Variants in APELA observed in about 807,000 individuals in gnomAD.
APELA encodes apelin receptor early endogenous ligand.
chr4:164,890,264 G>C (rs995901155), intron 2 of APELA, among the ~76,000 whole-genome samples: 3 of 151,964 alleles, frequency 2.0e-5, no homozygotes, highest in Non-Finnish European at 4.4e-5. Context: ...TTATACACCC[G>C]ACAATTCACC....
intron 2 of APELA, among the ~76,000 whole-genome samples, chr4:164,884,055 AAC>A (rs1235111756): frequency 6.6e-6 from 1 of 151,226 alleles, no homozygotes; most frequent in African/African-American, 2.4e-5. Flanking sequence ...GAAAGAAAGA[AAC>A]AGGGAAAGAA....
At chr4:164,889,752 A>G (rs1426593946) in intron 2 of APELA, among the ~76,000 whole-genome samples, 1 of 152,178 alleles carries the variant, frequency 6.6e-6, no homozygotes, top group Non-Finnish European at 1.5e-5. Context: ...AGCCAATGGC[A>G]GATTGAAAAT....
chr4:164,882,367 G>C (rs777614101), intron 2 of APELA, among the ~76,000 whole-genome samples: 2 of 152,034 alleles, frequency 1.3e-5, no homozygotes, highest in Non-Finnish European at 2.9e-5. Flanking sequence ...GACTCCCAAA[G>C]TGCTGGGATT....
chr4:164,886,713 CATAA>C (rs370520025), intron 2 of APELA, among the ~76,000 whole-genome samples: 73 of 152,170 alleles, frequency 4.8e-4, no homozygotes, highest in African/African-American at 1.6e-3. Context: ...TATATCAATG[CATAA>C]ATATAGTGAT....
At chr4:164,898,746 T>C (rs1731022927), downstream of APELA, 1 of 152,008 alleles carries the variant, frequency 6.6e-6, no homozygotes, top group Non-Finnish European at 1.5e-5. Context: ...GGAATGAAAA[T>C]CATTGTTTGC....
chr4:164,893,073 G>A (rs1730911673), intron 2 of APELA, among the ~76,000 whole-genome samples: 1 of 151,946 alleles, frequency 6.6e-6, no homozygotes, highest in Admixed American at 6.6e-5. Flanking sequence ...GTTGATTTTT[G>A]CTATGGTTTT....
chr4:164,888,576 T>C (rs919540832), intron 2 of APELA, among the ~76,000 whole-genome samples: 7 of 152,136 alleles, frequency 4.6e-5, no homozygotes, highest in African/African-American at 1.4e-4. Context: ...AGTTTGTGGG[T>C]CAAAGCATTA....
At chr4:164,883,313 A>G (rs934418742) in intron 2 of APELA, among the ~76,000 whole-genome samples, 33 of 152,146 alleles carry the variant, frequency 2.2e-4, no homozygotes, top group African/African-American at 8.0e-4. Context: ...TCAAACTAAT[A>G]ACCTCTAGTT....
rs1257916001 is a variant in APELA at position 164,896,692 on chromosome 4, C to T, written c.*1278C>T. 6.6e-6 allele frequency: 1 copy of T among 151,894 alleles called. No homozygotes were observed. Among genetic ancestry groups the T allele is most frequent in the East Asian group, 1.9e-4 (1 of 5,174 alleles). 9.4% of individuals were successfully genotyped at this position (151,894 alleles called of 1,614,324 possible). A position where few individuals can be genotyped will look rare whatever the true frequency, so the allele number is the denominator to read the frequency against. On this transcript the variant is annotated 3_prime_UTR_variant, in exon 3 of 3. Transcript: ENST00000507152. Reference sequence around the variant, plus strand: ...GGTGTTCCCCAGATGCTAAGATGTTCTTAATTTGTATTTATTGAAGGATTG... The same window carrying T: ...GGTGTTCCCCAGATGCTAAGATGTTTTTAATTTGTATTTATTGAAGGATTG...
chr4:164,888,171 T>C (rs1479582803), intron 2 of APELA, among the ~76,000 whole-genome samples: 1 of 152,126 alleles, frequency 6.6e-6, no homozygotes, highest in Non-Finnish European at 1.5e-5. Context: ...CCCTTAAGTA[T>C]CATACTCCTG....
intron 2 of APELA, among the ~76,000 whole-genome samples, chr4:164,894,283 C>G (rs560639400): frequency 4.2e-4 from 64 of 152,256 alleles, no homozygotes; most frequent in Middle Eastern, 6.8e-3. Flanking sequence ...CAAGATCGTG[C>G]CACTGTGCTT....
intron 1 of APELA, among the ~76,000 whole-genome samples, chr4:164,878,559 A>G (rs1489260842): frequency 6.6e-6 from 1 of 152,248 alleles, no homozygotes; most frequent in East Asian, 1.9e-4. Context: ...AATACACAGT[A>G]GCTTTGACAA....
intron 2 of APELA, among the ~76,000 whole-genome samples, chr4:164,888,949 G>C (rs942509364): frequency 6.6e-6 from 1 of 151,814 alleles, no homozygotes; most frequent in African/African-American, 2.4e-5. Context: ...TGAAAATTTT[G>C]ATTAAATGTC....
At chr4:164,886,773 A>G (rs57345251) in intron 2 of APELA, among the ~76,000 whole-genome samples, 9,950 of 152,220 alleles carry the variant, frequency 0.065, 456 homozygotes, top group African/African-American at 0.13. Flanking sequence ...ATTCCTCTGA[A>G]CAAAGTATGT....
intron 2 of APELA, among the ~76,000 whole-genome samples, chr4:164,895,005 G>A (rs1490185406): frequency 2.0e-5 from 3 of 152,182 alleles, no homozygotes; most frequent in Non-Finnish European, 4.4e-5. Context: ...GCAAGAAGCA[G>A]CCTTCATGTC....
intron 2 of APELA, among the ~76,000 whole-genome samples, chr4:164,891,053 A>G (rs114369618): frequency 6.6e-6 from 1 of 151,882 alleles, no homozygotes; most frequent in African/African-American, 2.4e-5. Flanking sequence ...TCCTTTGCCC[A>G]TTTTTCAGTT....
intron 2 of APELA, among the ~76,000 whole-genome samples, chr4:164,882,578 CATT>C (rs376217375): frequency 0.013 from 1,933 of 151,506 alleles, 33 homozygotes; most frequent in African/African-American, 0.043. Flanking sequence ...TCTTTTAATA[CATT>C]ATTATTATTA....
At chr4:164,889,657 C>T (rs1479850436) in intron 2 of APELA, among the ~76,000 whole-genome samples, 1 of 152,044 alleles carries the variant, frequency 6.6e-6, no homozygotes, top group African/African-American at 2.4e-5. Context: ...ACCTATCAAC[C>T]GTCACCTAGG....
intron 2 of APELA, among the ~76,000 whole-genome samples, chr4:164,894,279 C>T (rs1251264733): frequency 1.3e-5 from 2 of 152,084 alleles, no homozygotes. Flanking sequence ...GAGCCAAGAT[C>T]GTGCCACTGT....
Sources: allele counts gnomAD v4.1 joint callset (sites outside exome capture counted in the v4.1 genomes callset), GRCh38; gene constraint gnomAD v4.1.1; transcripts MANE v1.5; gene names NCBI Gene and HGNC (gene_info 2026-07-23, HGNC 2026-07-21).